ABCD3: variants seen among roughly 807,000 people sequenced by gnomAD.
ABCD3 encodes the protein ATP binding cassette subfamily D member 3.
ABCD3 carries 41 observed loss-of-function variants against 105.5 expected under a neutral mutation model. That is an observed-to-expected ratio of 0.39 (90% CI 0.30 to 0.50). The LOEUF is 0.50. Ranked by LOEUF, ABCD3 falls within the 20% of genes least tolerant of loss-of-function variation. ABCD3 has a pLI of 0.84. For synonymous variants in ABCD3, 258 were observed against 269.0 expected, an observed-to-expected ratio of 0.96 and a Z score of 0.40; for missense variants, 622 against 806.3, an observed-to-expected ratio of 0.77 and a Z score of 2.77.
intron 1 of ABCD3, among the ~76,000 whole-genome samples, chr1:94,445,257 C>T (rs146402216): frequency 0.013 from 1,920 of 152,234 alleles, 44 homozygotes; most frequent in African/African-American, 0.044. Flanking sequence ...ATTCCTCTAG[C>T]GCCACTGGGT....
At chr1:94,508,278 G>A (rs1417624440) in intron 21 of ABCD3, among the ~76,000 whole-genome samples, 2 of 152,080 alleles carry the variant, frequency 1.3e-5, no homozygotes, top group Admixed American at 6.6e-5. Context: ...TTTTTCTCAG[G>A]TTTGTCAAAG....
rs71094302 is a variant in ABCD3 at position 94,496,694 on chromosome 1, G to GTTTTT, written c.1387-1883_1387-1879dup. Among the ~76,000 whole-genome samples, 296 of 39,386 alleles carry GTTTTT rather than the reference G, an allele frequency of 7.5e-3. 6 individuals carry two copies. The highest frequency in any genetic ancestry group is 0.011 in the East Asian group (10 of 928). 25.8% of individuals were successfully genotyped at this position (39,386 alleles called of 152,430 possible). On this transcript the variant is annotated intron_variant, in intron 16 of 22. Coordinates refer to ENST00000370214, the MANE Select transcript of ABCD3 (RefSeq NM_002858.4). The stretch of plus-strand genomic sequence containing the variant: ...CTTCAGTAAAATCAGCCTTGTTTCT[G>GTTTTT]TTTTTTTTTTTTTTTTTTTTTTTTT...
chr1:94,457,202 A>G (rs1381236144), intron 1 of ABCD3, among the ~76,000 whole-genome samples: 2 of 152,162 alleles, frequency 1.3e-5, no homozygotes, highest in East Asian at 3.8e-4. Flanking sequence ...TCTTCACTGC[A>G]TTGTTTTGTC....
At chr1:94,476,789 T>A (rs1280269953) in intron 7 of ABCD3, among the ~76,000 whole-genome samples, 1 of 152,194 alleles carries the variant, frequency 6.6e-6, no homozygotes, top group East Asian at 1.9e-4. Flanking sequence ...CTTTGCTAAC[T>A]GATCCCAAAC....
Position 94,489,795 on chromosome 1 carries a change from A to C in ABCD3, c.1228A>C (p.Met410Leu). 1 of 1,613,266 alleles carries C rather than the reference A, an allele frequency of 6.2e-7. No individual in the cohort carries two copies. Among genetic ancestry groups the C allele is most frequent in the South Asian group, 1.1e-5 (1 of 91,060 alleles). The change falls in exon 14 of 23, where the codon ATG (methionine) becomes CTG (leucine). Residue 410 changes from methionine (M) to leucine (L), a missense_variant. Physicochemically the swap from Met to Leu is conservative, Grantham distance 15. Transcript: ENST00000370214. Reference sequence around the variant, plus strand: ...AAATCATGGCAAATATGAGCGCACAATGGTCTCACAACAGGAAAAGGGTAA... The same window carrying C: ...AAATCATGGCAAATATGAGCGCACACTGGTCTCACAACAGGAAAAGGGTAA... The part of the protein sequence containing the change: ...DLNHGKYERT[M>L]VSQQEKGIEG...
chr1:94,404,327 C>G, the ABCD3 span, among the ~76,000 whole-genome samples: 1 of 152,178 alleles, frequency 6.6e-6, no homozygotes, highest in South Asian at 2.1e-4. Flanking sequence ...GTAATTCTTC[C>G]TTATCCACAA....
At chr1:94,424,778 T>C (rs901769915) in intron 1 of ABCD3, among the ~76,000 whole-genome samples, 3 of 152,208 alleles carry the variant, frequency 2.0e-5, no homozygotes, top group African/African-American at 7.2e-5. Context: ...TTAGCACTTA[T>C]CACTATAAAA....
At chr1:94,493,081 C>A (rs531686575) in intron 16 of ABCD3, among the ~76,000 whole-genome samples, 163 of 151,752 alleles carry the variant, frequency 1.1e-3, no homozygotes, top group Admixed American at 2.4e-3. Flanking sequence ...GCAACAAAAG[C>A]CAAAATTGAC....
At chr1:94,443,768 T>C (rs541097193) in intron 1 of ABCD3, among the ~76,000 whole-genome samples, 1 of 152,296 alleles carries the variant, frequency 6.6e-6, no homozygotes, top group South Asian at 2.1e-4. Flanking sequence ...TTTGTTGACT[T>C]TGTAGACATC....
At chr1:94,406,335 GTTTTGTTTTTTT>G in the ABCD3 span, 1 of 176,066 alleles carries the variant, frequency 5.7e-6, no homozygotes. Context: ...ATAGTATTTT[GTTTTGTTTTTTT>G]TTTTTTTTTT....
At chr1:94,405,580 A>G in the ABCD3 span, among the ~76,000 whole-genome samples, 1 of 152,204 alleles carries the variant, frequency 6.6e-6, no homozygotes, top group African/African-American at 2.4e-5. Flanking sequence ...CTGGGATTAC[A>G]GGCATGAGAC....
At chr1:94,451,750 A>T (rs896850026) in intron 1 of ABCD3, among the ~76,000 whole-genome samples, 9 of 152,156 alleles carry the variant, frequency 5.9e-5, no homozygotes, top group African/African-American at 1.9e-4. Context: ...TTTTACTGTT[A>T]TTCTTTATTG....
intron 8 of ABCD3, 119 bp from the exon 9 acceptor site, chr1:94,480,345 A>G: frequency 7.8e-7 from 1 of 1,276,982 alleles, no homozygotes; most frequent in Non-Finnish European, 1.1e-6. Context: ...AAAATTACCC[A>G]GTAGGGCAAT....
intron 21 of ABCD3, among the ~76,000 whole-genome samples, chr1:94,511,565 TG>T (rs1650673344): frequency 1.3e-5 from 2 of 152,208 alleles, no homozygotes; most frequent in African/African-American, 2.4e-5. Flanking sequence ...GAAGTTCTCC[TG>T]GATAATATCC....
At chr1:94,404,788 T>G in the ABCD3 span, among the ~76,000 whole-genome samples, 3 of 151,984 alleles carry the variant, frequency 2.0e-5, no homozygotes, top group African/African-American at 4.8e-5. Context: ...CTTCATAAGC[T>G]CTTTTGCTTT....
intron 21 of ABCD3, among the ~76,000 whole-genome samples, chr1:94,508,307 T>C (rs909524126): frequency 1.3e-5 from 2 of 152,196 alleles, no homozygotes; most frequent in African/African-American, 2.4e-5. Context: ...GTTGTAGATA[T>C]GCGGCGTTAT....
chr1:94,470,246 T>C (rs951704879), intron 4 of ABCD3, among the ~76,000 whole-genome samples: 1 of 152,230 alleles, frequency 6.6e-6, no homozygotes, highest in Non-Finnish European at 1.5e-5. Flanking sequence ...GAATTCACTT[T>C]TCTTCAGAAT....
the ABCD3 span, among the ~76,000 whole-genome samples, chr1:94,400,668 C>T: frequency 6.6e-6 from 1 of 152,102 alleles, no homozygotes; most frequent in Admixed American, 6.6e-5. Flanking sequence ...GAAGGATTCA[C>T]CAGCACCTAG....
chr1:94,411,400 A>G, the ABCD3 span, among the ~76,000 whole-genome samples: 1 of 152,202 alleles, frequency 6.6e-6, no homozygotes, highest in Non-Finnish European at 1.5e-5. Flanking sequence ...TCATTAGGGA[A>G]GTGAAAATCA....
Sources: allele counts gnomAD v4.1 joint callset (sites outside exome capture counted in the v4.1 genomes callset), GRCh38; gene constraint gnomAD v4.1.1; transcripts MANE v1.5; gene names NCBI Gene and HGNC (gene_info 2026-07-23, HGNC 2026-07-21).